APLP2: variants seen among roughly 807,000 people sequenced by gnomAD.
The protein encoded by APLP2 is amyloid beta precursor like protein 2.
Under a neutral mutation model 89.9 loss-of-function variants are expected in APLP2, and 53 were observed. That is an observed-to-expected ratio of 0.59 (90% CI 0.47 to 0.74). The LOEUF (loss-of-function observed/expected upper bound fraction) is 0.74, where lower values mean the gene tolerates loss of function less well. Ranked by LOEUF, APLP2 falls within the 30% of genes least tolerant of loss-of-function variation. APLP2 has a pLI of 0.00. For missense variants in APLP2, 973 were observed against 975.9 expected, an observed-to-expected ratio of 1.00 and a Z score of 0.04; for synonymous variants, 372 against 348.6, an observed-to-expected ratio of 1.07 and a Z score of -0.75.
At chr11:130,082,083 ACTT>A (rs1443068686) in intron 1 of APLP2, among the ~76,000 whole-genome samples, 1 of 152,134 alleles carries the variant, frequency 6.6e-6, no homozygotes, top group African/African-American at 2.4e-5. Context: ...ATAACTAGAA[ACTT>A]CTTCTGTTGG....
At chr11:130,094,343 G>A (rs1201584441) in intron 1 of APLP2, among the ~76,000 whole-genome samples, 2 of 152,082 alleles carry the variant, frequency 1.3e-5, no homozygotes, top group African/African-American at 2.4e-5. Context: ...GTGAGCCACA[G>A]TGCCTGGCCT....
intron 1 of APLP2, chr11:130,101,271 T>A (rs1946882936): frequency 6.6e-6 from 1 of 152,260 alleles, no homozygotes; most frequent in South Asian, 2.1e-4. Context: ...CGCCTCCTGG[T>A]GGGTTCATGC....
At chr11:130,134,220 G>A (rs1951271527) in intron 12 of APLP2, among the ~76,000 whole-genome samples, 1 of 152,226 alleles carries the variant, frequency 6.6e-6, no homozygotes, top group African/African-American at 2.4e-5. Context: ...AAAACAGATA[G>A]TAAAACAAGA....
chr11:130,109,580 A>T lies in APLP2; in HGVS notation c.257A>T (p.Glu86Val), dbSNP rs146181031. ...AAGAGCTGCTTTGAAACAAAAGAAG[A>T]AGTTCTTCAGTACTGTCAGGAGGTA... ...GTKSCFETKE[E>V]VLQYCQEMYP... Residue 86 changes from glutamate to valine, a missense_variant, in exon 2 of 17, where the codon GAA becomes GTA. Coordinates refer to ENST00000338167, the MANE Select transcript of APLP2 (RefSeq NM_001142276.2). 215 of 1,613,248 alleles carry T rather than the reference A, an allele frequency of 1.3e-4. No homozygotes were observed. The highest frequency in any genetic ancestry group is 2.5e-4 in the East Asian group (11 of 44,784).
Position 130,141,817 on chromosome 11 carries a change from T to G in APLP2, c.1999-102T>G, listed in dbSNP as rs367836019. 230 of 1,433,322 alleles carry G rather than the reference T, an allele frequency of 1.6e-4. 3 individuals are homozygous for G. In the South Asian group the frequency reaches 3.0e-3, roughly 19 times the overall value. 88.8% of individuals were successfully genotyped at this position (1,433,322 alleles called of 1,614,324 possible). ...AGGATCTTGGTGCTACTTTGGGTTT[T>G]AGGGGCTCGACCTTCCAGGAGCGTG... On this transcript the variant is annotated intron_variant, in intron 15 of 16. Transcript: ENST00000338167. This position sits in a 1 kb window ranked among gnomAD's most constrained non-coding sequence, Gnocchi z 4.2.
At chr11:130,083,021 C>CTTTTTTTTTTTTTT (rs1469566240) in intron 1 of APLP2, among the ~76,000 whole-genome samples, 8 of 79,976 alleles carry the variant, frequency 1.0e-4, no homozygotes, top group African/African-American at 3.6e-4. Flanking sequence ...TGAAACTTTT[C>CTTTTTTTTTTTTTT]TTTTCTTTTT....
At chr11:130,073,889 G>T (rs145337431) in intron 1 of APLP2, among the ~76,000 whole-genome samples, 1 of 152,078 alleles carries the variant, frequency 6.6e-6, no homozygotes, top group African/African-American at 2.4e-5. Context: ...TGCAAAAATT[G>T]TACAATTTTC....
intron 1 of APLP2, among the ~76,000 whole-genome samples, chr11:130,081,632 C>T (rs1482152995): frequency 1.3e-5 from 2 of 152,108 alleles, no homozygotes; most frequent in Non-Finnish European, 2.9e-5. Context: ...TGTTTTCCCC[C>T]CTAAAACACT....
intron 6 of APLP2, 85 bp downstream of exon 6, chr11:130,122,598 C>A: frequency 6.4e-7 from 1 of 1,568,604 alleles, no homozygotes; most frequent in South Asian, 1.2e-5. Flanking sequence ...ACAGGTAAGT[C>A]AGTCACAGAA....
rs58309458 is a variant in APLP2, at chr11:130,131,056, C to T, written c.1584+890C>T. Reference sequence around the variant, plus strand: ...CTTGAGTGCCCTTGAGCAGCTCACACGCTAGTGTAGAGATAATAACTGTAA... The same window carrying T: ...CTTGAGTGCCCTTGAGCAGCTCACATGCTAGTGTAGAGATAATAACTGTAA... On this transcript the variant is annotated intron_variant, in intron 11 of 16. Coordinates refer to ENST00000338167, the MANE Select transcript of APLP2 (RefSeq NM_001142276.2). Among the ~76,000 whole-genome samples, 1,210 of 152,286 alleles carry T rather than the reference C, an allele frequency of 7.9e-3. 15 individuals are homozygous for T. Among genetic ancestry groups the T allele is most frequent in the African/African-American group, 0.028 (1,166 of 41,554 alleles).
chr11:130,120,393 T>G (rs972950370), intron 3 of APLP2, among the ~76,000 whole-genome samples: 39 of 152,288 alleles, frequency 2.6e-4, no homozygotes, highest in African/African-American at 9.4e-4. Flanking sequence ...AGTAGCTGTG[T>G]GTGTCTGAGG....
intron 13 of APLP2, among the ~76,000 whole-genome samples, chr11:130,137,560 C>T (rs1161152459): frequency 6.6e-6 from 1 of 152,186 alleles, no homozygotes; most frequent in Non-Finnish European, 1.5e-5. Context: ...TGCACAGCAA[C>T]CAAAATAGAT....
intron 1 of APLP2, chr11:130,070,614 T>A: frequency 7.0e-7 from 1 of 1,421,844 alleles, no homozygotes. Context: ...GCGGCAGGGA[T>A]GCTGCGAGCC....
chr11:130,091,361 G>A (rs1245569506), intron 1 of APLP2, among the ~76,000 whole-genome samples: 10 of 146,326 alleles, frequency 6.8e-5, no homozygotes, highest in African/African-American at 2.4e-4. Flanking sequence ...CTGGCCGGGC[G>A]GGGGGCCGAC....
At chr11:130,105,648 A>G (rs999454820) in intron 1 of APLP2, among the ~76,000 whole-genome samples, 4 of 149,634 alleles carry the variant, frequency 2.7e-5, no homozygotes, top group African/African-American at 9.9e-5. Flanking sequence ...TTTTAGAGAG[A>G]TGCCTGTGCT....
At position 130,135,843 on chromosome 11, in the gene APLP2, A is replaced by T. The variant is rs939771994; in HGVS notation, c.1837+128A>T. 7 of 1,184,690 alleles carry T rather than the reference A, an allele frequency of 5.9e-6. No homozygotes were observed. The African/African-American group carries it at 1.1e-4, about 18-fold the overall frequency. The allele number at this position is 1,184,690 out of a possible 1,614,324, so 73.4% of individuals were successfully genotyped here. A position where few individuals can be genotyped will look rare whatever the true frequency, so the allele number is the denominator to read the frequency against. On this transcript the variant is annotated intron_variant, in intron 13 of 16. Transcript: ENST00000338167. ...TCCTGCGAGAGTCAGGGGAAGGGAGACTGGATTCATTGAGCGCCTACTGTG... is the reference window on the plus strand; with the variant it reads ...TCCTGCGAGAGTCAGGGGAAGGGAGTCTGGATTCATTGAGCGCCTACTGTG...
intron 6 of APLP2, 108 bp downstream of exon 6, chr11:130,122,621 T>G: frequency 6.5e-7 from 1 of 1,526,974 alleles, no homozygotes; most frequent in Non-Finnish European, 8.8e-7. Context: ...AAAGGTGTGG[T>G]ACCTCTGCAC....
intron 1 of APLP2, among the ~76,000 whole-genome samples, chr11:130,072,773 G>A (rs1212480673): frequency 1.3e-5 from 2 of 152,266 alleles, no homozygotes; most frequent in Admixed American, 1.3e-4. Flanking sequence ...CACAGCGCCC[G>A]GCCCGTTATT....
At chr11:130,104,914 C>T (rs1230208857) in intron 1 of APLP2, among the ~76,000 whole-genome samples, 1 of 151,976 alleles carries the variant, frequency 6.6e-6, no homozygotes, top group African/African-American at 2.4e-5. Context: ...GTTGGTGCTT[C>T]CTTCTCTTAT....
Sources: gnomAD v4.1 joint callset for allele counts (sites outside exome capture counted in the v4.1 genomes callset) on GRCh38, gnomAD v4.1.1 for gene constraint, Gnocchi (gnomAD v3.1) non-coding constraint, MANE v1.5 for transcripts, NCBI Gene and HGNC (gene_info 2026-07-23, HGNC 2026-07-21) for gene names.